Variants in TAB2 observed in about 807,000 individuals in gnomAD.
TAB2 encodes the protein TGF-beta-activated kinase 1 and MAP3K7-binding protein 2.
TAB2 carries 3 observed loss-of-function variants against 65.0 expected under a neutral mutation model. The observed-to-expected ratio is 0.05, with a 90% CI of 0.02 to 0.12. The LOEUF is 0.12. TAB2 is among the 10% of genes least tolerant of loss of function. TAB2 has a pLI of 1.00. For synonymous variants in TAB2, 298 were observed against 285.1 expected, an observed-to-expected ratio of 1.05 and a Z score of -0.46; for missense variants, 623 against 840.3, an observed-to-expected ratio of 0.74 and a Z score of 3.20.
chr6:149,356,041 T>C (rs764233320), intron 1 of TAB2, among the ~76,000 whole-genome samples: 1 of 152,236 alleles, frequency 6.6e-6, no homozygotes, highest in Non-Finnish European at 1.5e-5. Context: ...AAGTGATATA[T>C]TGGGCTTTCA....
chr6:149,280,269 T>C (rs1778549803), intron 1 of TAB2, among the ~76,000 whole-genome samples: 1 of 152,232 alleles, frequency 6.6e-6, no homozygotes, highest in Non-Finnish European at 1.5e-5. Context: ...TTGTGAAGAT[T>C]AAATGATTTA....
At chr6:149,269,875 G>A (rs1055225571) in intron 1 of TAB2, among the ~76,000 whole-genome samples, 1 of 152,072 alleles carries the variant, frequency 6.6e-6, no homozygotes, top group African/African-American at 2.4e-5. Flanking sequence ...CCAGTTTTTG[G>A]TGATTACAAA....
intron 1 of TAB2, among the ~76,000 whole-genome samples, chr6:149,240,553 GCAT>G (rs35731147): frequency 1.3e-5 from 2 of 151,704 alleles, no homozygotes; most frequent in African/African-American, 4.8e-5. Context: ...TAGAATAATA[GCAT>G]CATCATCATC....
At chr6:149,226,573 C>G (rs1777282780) in intron 1 of TAB2, among the ~76,000 whole-genome samples, 1 of 152,210 alleles carries the variant, frequency 6.6e-6, no homozygotes, top group South Asian at 2.1e-4. Flanking sequence ...ACTGTTTTAT[C>G]TTAACTGAGC....
At chr6:149,310,831 C>T (rs1175391496) in intron 1 of TAB2, among the ~76,000 whole-genome samples, 1 of 152,190 alleles carries the variant, frequency 6.6e-6, no homozygotes. Context: ...TATTCAGTCT[C>T]AAAATCACAT....
intron 1 of TAB2, among the ~76,000 whole-genome samples, chr6:149,331,188 T>G (rs1779771997): frequency 6.6e-6 from 1 of 152,160 alleles, no homozygotes; most frequent in Admixed American, 6.5e-5. Context: ...CTTCAATCCA[T>G]GAACCTGGTA....
chr6:149,300,717 G>A (rs1247820592), intron 1 of TAB2, among the ~76,000 whole-genome samples: 1 of 152,178 alleles, frequency 6.6e-6, no homozygotes, highest in African/African-American at 2.4e-5. Context: ...AAGACCCAAT[G>A]TCAGACTGAG....
intron 1 of TAB2, among the ~76,000 whole-genome samples, chr6:149,219,913 AC>A (rs1777104460): frequency 6.6e-6 from 1 of 152,142 alleles, no homozygotes; most frequent in African/African-American, 2.4e-5. Context: ...ACCCCAAAGA[AC>A]TTTTGTTTAT....
intron 3 of TAB2, among the ~76,000 whole-genome samples, chr6:149,389,337 A>ACATAT (rs1460122308): frequency 2.0e-5 from 3 of 151,998 alleles, no homozygotes; most frequent in Non-Finnish European, 4.4e-5. Flanking sequence ...CAAAACTTGA[A>ACATAT]CATATCCTCT....
chr6:149,317,061 C>CTA (rs1779273134), upstream of TAB2, among the ~76,000 whole-genome samples: 4 of 150,332 alleles, frequency 2.7e-5, no homozygotes, highest in African/African-American at 7.3e-5. The surrounding 1 kb of genome is among the most constrained non-coding windows in gnomAD (Gnocchi z 4.7). Flanking sequence ...CCCCCGGACC[C>CTA]CACCCGCGCG....
chr6:149,403,866 T>C (rs541235676), intron 6 of TAB2, among the ~76,000 whole-genome samples: 2 of 152,208 alleles, frequency 1.3e-5, no homozygotes, highest in East Asian at 3.9e-4. Flanking sequence ...AAGGTATTCA[T>C]GAAGGATCCA....
chr6:149,403,421 A>G (rs1782552132), intron 6 of TAB2, among the ~76,000 whole-genome samples: 1 of 149,566 alleles, frequency 6.7e-6, no homozygotes, highest in African/African-American at 2.5e-5. Context: ...ATATATAAAA[A>G]CCCCATAGGT....
At chr6:149,401,430 A>G in intron 6 of TAB2, 1 of 154,204 alleles carries the variant, frequency 6.5e-6, no homozygotes, top group East Asian at 1.9e-4. Context: ...TATATCAGAA[A>G]CAATAGATTT....
At chr6:149,218,526 G>C (rs1457212503), upstream of TAB2, 2 of 177,296 alleles carry the variant, frequency 1.1e-5, no homozygotes, top group African/African-American at 4.7e-5. Flanking sequence ...TTGGGTCTCT[G>C]GCTCATGCTT....
At chr6:149,403,363 CACACACACACAT>C (rs1353654073) in intron 6 of TAB2, among the ~76,000 whole-genome samples, 6 of 140,270 alleles carry the variant, frequency 4.3e-5, no homozygotes, top group African/African-American at 8.5e-5. Flanking sequence ...CACACACACA[CACACACACACAT>C]ACACATACAC....
At chr6:149,303,907 G>A (rs944636535) in intron 1 of TAB2, among the ~76,000 whole-genome samples, 10 of 152,248 alleles carry the variant, frequency 6.6e-5, no homozygotes, top group East Asian at 1.9e-4. Context: ...TGAGGGAGGC[G>A]CAAAGCCAGT....
Position 149,275,139 on chromosome 6 carries a change from T to TATTTA in TAB2, c.-121+56363_-121+56364insATTTA, listed in dbSNP as rs1554255793. ...TCTCTTCTTCTGTTTTTTTTTTTTTTTTTTGAGTTGGAGTCTTGCTCTATT... is the reference window on the plus strand; with the variant it reads ...TCTCTTCTTCTGTTTTTTTTTTTTTTATTTATTTTGAGTTGGAGTCTTGCTCTATT... On this transcript the variant is annotated intron_variant, in intron 1 of 1. Coordinates refer to the TAB2 transcript ENST00000606202. Among the ~76,000 whole-genome samples, 8 of 113,480 alleles carry TATTTA rather than the reference T, an allele frequency of 7.0e-5. 1 individual carries two copies. The highest frequency in any genetic ancestry group is 1.1e-4 in the Non-Finnish European group (6 of 57,102). The allele number at this position is 113,480 out of a possible 152,430, so 74.4% of individuals were successfully genotyped here.
chr6:149,378,152 C>G lies in TAB2; in HGVS notation c.237C>G (p.Asn79Lys). 1 of 1,614,208 alleles carries G rather than the reference C, an allele frequency of 6.2e-7. No homozygotes were observed. The highest frequency in any genetic ancestry group is 1.1e-5 in the South Asian group (1 of 91,088). ...TACGCAATCACATGACTTCTCTCAACTTGGACTTGCAATCACAGAACATTT... is the reference window on the plus strand; with the variant it reads ...TACGCAATCACATGACTTCTCTCAAGTTGGACTTGCAATCACAGAACATTT... ...SGLRNHMTSL[N>K]LDLQSQNIYH... The change falls in exon 3 of 7, where the codon AAC becomes AAG. Residue 79 changes from asparagine (N) to lysine (K), a missense_variant. Asn to Lys is a moderately conservative substitution (Grantham distance 94). Around this residue, in one of 3 missense-constraint regions of TAB2, gnomAD observed 550 missense variants for 665.7 expected, o/e 0.83. Coordinates refer to ENST00000637181, the MANE Select transcript of TAB2 (RefSeq NM_001292034.3).
At chr6:149,371,588 A>G (rs1781229230) in intron 2 of TAB2, among the ~76,000 whole-genome samples, 1 of 152,192 alleles carries the variant, frequency 6.6e-6, no homozygotes, top group South Asian at 2.1e-4. Flanking sequence ...AACTTAATTA[A>G]CTTCTCTGAC....
Sources: gnomAD v4.1 joint callset for allele counts (sites outside exome capture counted in the v4.1 genomes callset) on GRCh38, gnomAD v4.1.1 for gene constraint, gnomAD v4.1.1 regional missense constraint, Gnocchi (gnomAD v3.1) non-coding constraint, MANE v1.5 for transcripts, NCBI Gene and HGNC (gene_info 2026-07-23, HGNC 2026-07-21) for gene names.